Variants in SAMD5 observed in about 807,000 individuals in gnomAD.
SAMD5 encodes the protein sterile alpha motif domain-containing protein 5.
In SAMD5, 13 loss-of-function variants were observed where a neutral mutation model predicts 11.3. The observed-to-expected ratio is 1.15, with a 90% CI of 0.75 to 1.83. The LOEUF (loss-of-function observed/expected upper bound fraction) is 1.83. SAMD5 is among the 40% of genes most tolerant of loss of function. The pLI is 0.00. For missense variants in SAMD5, 255 were observed against 239.1 expected (o/e 1.07, Z -0.44); for synonymous variants, 129 against 111.3 (o/e 1.16, Z -1.00).
At chr6:147,548,273 A>C (rs973095130) in intron 1 of SAMD5, among the ~76,000 whole-genome samples, 12 of 152,178 alleles carry the variant, frequency 7.9e-5, no homozygotes, top group Admixed American at 7.2e-4. Flanking sequence ...ATTTTATATG[A>C]ATGGTTTAAT....
intron 1 of SAMD5, among the ~76,000 whole-genome samples, chr6:147,735,576 A>G (rs1791787954): frequency 6.6e-6 from 1 of 152,198 alleles, no homozygotes; most frequent in Non-Finnish European, 1.5e-5. Flanking sequence ...TAATTGATTG[A>G]TATATCTCTG....
intron 1 of SAMD5, among the ~76,000 whole-genome samples, chr6:147,538,098 C>A (rs1788541950): frequency 6.6e-6 from 1 of 152,098 alleles, no homozygotes; most frequent in Non-Finnish European, 1.5e-5. Flanking sequence ...AATTTTCCAT[C>A]AAATAGTAGA....
chr6:147,684,285 T>G (rs1790979497), intron 1 of SAMD5, among the ~76,000 whole-genome samples: 1 of 152,194 alleles, frequency 6.6e-6, no homozygotes, highest in Non-Finnish European at 1.5e-5. Flanking sequence ...AATCTATTCA[T>G]CTTACTTCTC....
At chr6:147,664,709 C>A (rs939134785) in intron 1 of SAMD5, among the ~76,000 whole-genome samples, 2 of 151,862 alleles carry the variant, frequency 1.3e-5, no homozygotes, top group African/African-American at 4.8e-5. Context: ...TGGATATTTG[C>A]AGAATTTGTT....
chr6:147,621,742 G>A (rs1307767092), intron 1 of SAMD5, among the ~76,000 whole-genome samples: 1 of 152,160 alleles, frequency 6.6e-6, no homozygotes, highest in Non-Finnish European at 1.5e-5. Flanking sequence ...GTGCTGTTTT[G>A]TACTATAATG....
the SAMD5 span, among the ~76,000 whole-genome samples, chr6:147,881,364 T>C: frequency 6.6e-6 from 1 of 152,164 alleles, no homozygotes; most frequent in Non-Finnish European, 1.5e-5. Context: ...TGAAACTTTC[T>C]CCAAGCCCCG....
At chr6:147,909,037 T>C in the SAMD5 span, among the ~76,000 whole-genome samples, 1 of 152,124 alleles carries the variant, frequency 6.6e-6, no homozygotes, top group Non-Finnish European at 1.5e-5. Flanking sequence ...AGAGAGACTA[T>C]GTCTCTACAA....
chr6:147,516,681 C>T (rs1193490572), intron 1 of SAMD5, among the ~76,000 whole-genome samples: 1 of 152,226 alleles, frequency 6.6e-6, no homozygotes, highest in Non-Finnish European at 1.5e-5. Flanking sequence ...CACTGTGAGT[C>T]AGCTCTAAGG....
At chr6:147,616,001 CACA>C (rs1399208346) in intron 1 of SAMD5, among the ~76,000 whole-genome samples, 1 of 150,638 alleles carries the variant, frequency 6.6e-6, no homozygotes, top group African/African-American at 2.4e-5. Flanking sequence ...ATTTAAGGTC[CACA>C]ACCTCGTAGG....
chr6:147,828,561 C>G, the SAMD5 span, among the ~76,000 whole-genome samples: 4 of 152,166 alleles, frequency 2.6e-5, no homozygotes, highest in Non-Finnish European at 5.9e-5. Context: ...ACTGGTTTAA[C>G]CTCTGAGCCT....
At chr6:147,572,574 C>G (rs1031936321), downstream of SAMD5, among the ~76,000 whole-genome samples, 11 of 152,068 alleles carry the variant, frequency 7.2e-5, no homozygotes, top group African/African-American at 2.7e-4. Context: ...CTTCTGGGCT[C>G]AAGAGATCCT....
At chr6:147,726,918 C>T (rs1224654089) in intron 1 of SAMD5, among the ~76,000 whole-genome samples, 2 of 152,206 alleles carry the variant, frequency 1.3e-5, no homozygotes, top group Admixed American at 1.3e-4. Context: ...TTTCCTTTCA[C>T]TTAGACTTTG....
chr6:147,837,259 G>C, the SAMD5 span, among the ~76,000 whole-genome samples: 7,566 of 152,092 alleles, frequency 0.05, 622 homozygotes, highest in African/African-American at 0.17. Flanking sequence ...TACCCCAGAA[G>C]ACTCTGGGAT....
At chr6:147,910,929 A>T in the SAMD5 span, among the ~76,000 whole-genome samples, 11 of 152,332 alleles carry the variant, frequency 7.2e-5, no homozygotes, top group African/African-American at 2.4e-4. Context: ...GACAGACAGT[A>T]CTAATTGTTG....
rs41285885 is a variant in SAMD5, at chr6:147,568,172, T to C, written c.*3716T>C. 0.044 allele frequency: 43,458 copies of C among 985,214 alleles called. 1,108 individuals carry two copies. The highest frequency in any genetic ancestry group is 0.12 in the South Asian group (2,640 of 21,274). 61.0% of individuals were successfully genotyped at this position (985,214 alleles called of 1,614,324 possible). The stretch of plus-strand genomic sequence containing the variant: ...CCCCGATAGCATCTTCTGGGAAGAA[T>C]CCAACCAAGATACAAAGCAGATGAT... On this transcript the variant is annotated 3_prime_UTR_variant, in exon 2 of 2. Transcript: ENST00000367474.
chr6:147,671,500 G>A (rs1021937103), intron 1 of SAMD5, among the ~76,000 whole-genome samples: 1 of 152,198 alleles, frequency 6.6e-6, no homozygotes, highest in African/African-American at 2.4e-5. Flanking sequence ...GACTTACTAA[G>A]TCAAGGTTTA....
chr6:147,669,784 C>T (rs1790772223), intron 1 of SAMD5, among the ~76,000 whole-genome samples: 1 of 152,168 alleles, frequency 6.6e-6, no homozygotes, highest in Admixed American at 6.5e-5. Flanking sequence ...TCTGCAATTA[C>T]TTTCTCCACT....
At chr6:147,535,616 T>G (rs1788497325) in intron 1 of SAMD5, among the ~76,000 whole-genome samples, 1 of 152,240 alleles carries the variant, frequency 6.6e-6, no homozygotes, top group African/African-American at 2.4e-5. Context: ...GCCTGATTAT[T>G]TGCATGAAGT....
the SAMD5 span, among the ~76,000 whole-genome samples, chr6:147,949,978 A>C: frequency 6.6e-6 from 1 of 152,252 alleles, no homozygotes; most frequent in East Asian, 1.9e-4. Flanking sequence ...ATAATAAGAA[A>C]TATGATGTAT....
Sources: allele counts gnomAD v4.1 joint callset (sites outside exome capture counted in the v4.1 genomes callset), GRCh38; gene constraint gnomAD v4.1.1; transcripts MANE v1.5; gene names NCBI Gene and HGNC (gene_info 2026-07-23, HGNC 2026-07-21).